The following SLC29A3 variants were observed in gnomAD, a reference collection of about 807,000 sequenced individuals.
SLC29A3 encodes solute carrier family 29 member 3.
Under a neutral mutation model 25.4 loss-of-function variants are expected in SLC29A3, and 18 were observed. The observed-to-expected ratio is 0.71, with a 90% confidence interval of 0.49 to 1.05. The LOEUF is 1.05. Ranked by LOEUF, SLC29A3 falls within the 50% of genes least tolerant of loss-of-function variation. SLC29A3 has a pLI of 0.00. For synonymous variants in SLC29A3, 258 were observed against 267.1 expected (o/e 0.97, Z 0.33); for missense variants, 586 against 609.0 (o/e 0.96, Z 0.40).
intron 3 of SLC29A3, among the ~76,000 whole-genome samples, chr10:71,350,009 A>G (rs898300638): frequency 6.6e-6 from 1 of 152,170 alleles, no homozygotes; most frequent in Non-Finnish European, 1.5e-5. Context: ...ATAGTACTGG[A>G]CACACAGTAG....
chr10:71,351,409 C>T (rs547933768), intron 3 of SLC29A3, among the ~76,000 whole-genome samples, 153 bp from the exon 4 acceptor site: 31 of 152,318 alleles, frequency 2.0e-4, no homozygotes, highest in African/African-American at 7.2e-4. Context: ...GCTAGGGAGC[C>T]GGGAAGGCAG....
At chr10:71,353,658 C>T (rs775909763) in intron 4 of SLC29A3, among the ~76,000 whole-genome samples, 13 of 152,232 alleles carry the variant, frequency 8.5e-5, no homozygotes, top group Non-Finnish European at 1.9e-4. Context: ...TGCCCAACAC[C>T]CTGGAAAATC....
chr10:71,365,821 A>G (rs1253791060), downstream of SLC29A3: 1 of 151,934 alleles, frequency 6.6e-6, no homozygotes. Flanking sequence ...ACCAGCTCAT[A>G]TGTTTGGAGG....
chr10:71,356,838 A>T (rs1846926281), intron 5 of SLC29A3, among the ~76,000 whole-genome samples: 1 of 152,170 alleles, frequency 6.6e-6, no homozygotes, highest in Non-Finnish European at 1.5e-5. Context: ...AAATGAACAA[A>T]CAAACAAAAG....
At chr10:71,379,190 G>A (rs1358262701) in intron 4 of SLC29A3, among the ~76,000 whole-genome samples, 2 of 152,232 alleles carry the variant, frequency 1.3e-5, no homozygotes, top group Admixed American at 6.5e-5. Context: ...ACCAGTGAGG[G>A]CAGAGGGCCA....
intron 2 of SLC29A3, among the ~76,000 whole-genome samples, chr10:71,337,722 C>G (rs929372786): frequency 2.0e-5 from 3 of 152,216 alleles, no homozygotes; most frequent in Non-Finnish European, 2.9e-5. Context: ...CAGAGATAAA[C>G]GGGCTCATTT....
chr10:71,345,374 T>G (rs1846542228), intron 3 of SLC29A3, among the ~76,000 whole-genome samples: 1 of 152,330 alleles, frequency 6.6e-6, no homozygotes, highest in Admixed American at 6.5e-5. Flanking sequence ...CTCTCTTCTC[T>G]CTTTGTAGTG....
intron 2 of SLC29A3, among the ~76,000 whole-genome samples, chr10:71,325,190 G>C (rs767645416): frequency 6.6e-6 from 1 of 152,160 alleles, no homozygotes; most frequent in Admixed American, 6.5e-5. Flanking sequence ...CCTTGGCCTC[G>C]CCCTGAGGAG....
intron 4 of SLC29A3, among the ~76,000 whole-genome samples, chr10:71,354,523 A>G (rs1400430858): frequency 1.3e-5 from 2 of 152,234 alleles, no homozygotes; most frequent in African/African-American, 2.4e-5. Context: ...CCACAGGCAG[A>G]GCATGGGGAG....
chr10:71,340,500 T>A (rs1365805520), intron 2 of SLC29A3, among the ~76,000 whole-genome samples: 2 of 152,192 alleles, frequency 1.3e-5, no homozygotes, highest in African/African-American at 4.8e-5. Context: ...GAAGTGGAGT[T>A]GGTTGTAGGG....
intron 2 of SLC29A3, among the ~76,000 whole-genome samples, chr10:71,335,775 C>T (rs771407750): frequency 8.5e-5 from 13 of 152,048 alleles, no homozygotes; most frequent in Non-Finnish European, 1.8e-4. Flanking sequence ...CAGCAGGACC[C>T]CCAAGCGGTT....
Position 71,362,381 on chromosome 10 carries a change from C to T in SLC29A3, c.1201C>T (p.Arg401Cys), listed in dbSNP as rs746998307. Residue 401 changes from arginine to cysteine, a missense_variant, in exon 6 of 6, where the codon CGC becomes TGC. Physicochemically the swap from Arg to Cys is radical, Grantham distance 180 (BLOSUM62 -3). Transcript: ENST00000373189. ...PLFVLCNYQP[R>C]VHLKTVVFQS... ...CTTCGTGCTCTGTAACTACCAGCCC[C>T]GCGTCCACCTGAAGACTGTGGTCTT... 1.1e-5 allele frequency: 18 copies of T among 1,614,068 alleles called. No homozygotes were observed. The highest frequency in any genetic ancestry group is 6.7e-5 in the African/African-American group (5 of 74,922).
chr10:71,373,441 G>A (rs1847226393), intron 3 of SLC29A3, among the ~76,000 whole-genome samples: 1 of 152,136 alleles, frequency 6.6e-6, no homozygotes, highest in South Asian at 2.1e-4. Context: ...GCCCTGTTGG[G>A]TAAGGAACAG....
downstream of SLC29A3, among the ~76,000 whole-genome samples, chr10:71,363,961 A>T (rs1469252280): frequency 6.6e-6 from 1 of 151,912 alleles, no homozygotes; most frequent in Non-Finnish European, 1.5e-5. Context: ...AACTAGTAAT[A>T]GGCCATTCCA....
intron 1 of SLC29A3, chr10:71,319,713 T>A (rs1449757057): frequency 5.2e-6 from 1 of 193,378 alleles, no homozygotes; most frequent in Non-Finnish European, 1.0e-5. Context: ...GCCCTGCGCT[T>A]CCCAGTGCCT....
chr10:71,367,150 G>A (rs1466950578), downstream of SLC29A3, among the ~76,000 whole-genome samples: 2 of 152,136 alleles, frequency 1.3e-5, no homozygotes, highest in African/African-American at 2.4e-5. Context: ...CTGTTAGAGA[G>A]ATGATTTGCA....
At chr10:71,349,468 C>A (rs566493947) in intron 3 of SLC29A3, among the ~76,000 whole-genome samples, 18 of 152,224 alleles carry the variant, frequency 1.2e-4, no homozygotes, top group African/African-American at 4.3e-4. Context: ...ACTTAAAGAT[C>A]CTATGTGGGT....
chr10:71,326,447 C>A (rs1299164661), intron 2 of SLC29A3, among the ~76,000 whole-genome samples: 1 of 152,238 alleles, frequency 6.6e-6, no homozygotes, highest in Non-Finnish European at 1.5e-5. Context: ...GCAGGCTTAG[C>A]CGGGGTGCTT....
chr10:71,321,205 A>T (rs1301030697), intron 1 of SLC29A3, among the ~76,000 whole-genome samples: 1 of 152,072 alleles, frequency 6.6e-6, no homozygotes, highest in Non-Finnish European at 1.5e-5. Flanking sequence ...CAGTTTTTCC[A>T]TCTGAAAAAA....
Sources: allele counts gnomAD v4.1 joint callset (sites outside exome capture counted in the v4.1 genomes callset), GRCh38; gene constraint gnomAD v4.1.1; transcripts MANE v1.5; gene names NCBI Gene and HGNC (gene_info 2026-07-23, HGNC 2026-07-21).